The following ZNF177 variants were observed in gnomAD, a reference collection of about 807,000 sequenced individuals.
ZNF177 encodes the protein zinc finger protein 177.
A neutral mutation model predicts 19.4 loss-of-function variants in ZNF177; 17 were observed. The ratio of observed to expected loss-of-function variants is 0.87; its 90% confidence interval spans 0.60 to 1.31. ZNF177 has a LOEUF of 1.31. Among genes scored for constraint, ZNF177 ranks in the 40% most tolerant of loss-of-function variants. ZNF177 has a pLI of 0.00. For synonymous variants in ZNF177, 220 were observed against 188.7 expected, an observed-to-expected ratio of 1.17 and a Z score of -1.36; for missense variants, 633 against 561.8, an observed-to-expected ratio of 1.13 and a Z score of -1.28.
chr19:9,368,432 C>T (rs1372471270), intron 2 of ZNF177, among the ~76,000 whole-genome samples: 3 of 152,096 alleles, frequency 2.0e-5, no homozygotes, highest in African/African-American at 7.2e-5. Context: ...TCTTGTTAAT[C>T]TCTGCAACAT....
chr19:9,378,566 C>T (rs571734143), intron 2 of ZNF177: 1 of 720,348 alleles, frequency 1.4e-6, no homozygotes, highest in Admixed American at 3.0e-5. Flanking sequence ...GTATGAATTC[C>T]ATACTGTAGT....
intron 2 of ZNF177, chr19:9,378,654 CCT>C: frequency 1.8e-6 from 1 of 559,522 alleles, no homozygotes; most frequent in Non-Finnish European, 3.1e-6. Flanking sequence ...TACAGTATGC[CCT>C]GTCTATACTG....
intron 4 of ZNF177, among the ~76,000 whole-genome samples, 170 bp from the exon 7 acceptor site, chr19:9,379,887 C>CATTTCTACT (rs2068167592): frequency 6.6e-6 from 1 of 151,988 alleles, no homozygotes; most frequent in African/African-American, 2.4e-5. Flanking sequence ...AAATACCTCC[C>CATTTCTACT]ATTTCTACTG....
intron 1 of ZNF177, among the ~76,000 whole-genome samples, chr19:9,377,117 T>C (rs1235950779): frequency 1.3e-5 from 2 of 152,160 alleles, no homozygotes; most frequent in African/African-American, 2.4e-5. Context: ...GTGACAGTGC[T>C]CTCATAACAT....
upstream of ZNF177, among the ~76,000 whole-genome samples, chr19:9,373,248 C>T (rs75236582): frequency 1.6e-4 from 25 of 152,206 alleles, no homozygotes; most frequent in East Asian, 4.6e-3. Flanking sequence ...TGTCTATGTC[C>T]GCCTTATTTT....
exon 6 of ZNF177, chr19:9,382,148 C>T (rs780025445): frequency 1.8e-5 from 7 of 398,168 alleles, no homozygotes; most frequent in Non-Finnish European, 2.7e-5. Context: ...ATATCCATTC[C>T]TCCCTTCTTT....
exon 6 of ZNF177, chr19:9,380,968 T>C: frequency 6.5e-7 from 1 of 1,542,330 alleles, no homozygotes; most frequent in Admixed American, 1.9e-5. Flanking sequence ...TGATATGTCC[T>C]TCAGCCTACA....
At chr19:9,368,649 C>A (rs925849274) in intron 2 of ZNF177, among the ~76,000 whole-genome samples, 1 of 151,914 alleles carries the variant, frequency 6.6e-6, no homozygotes, top group Non-Finnish European at 1.5e-5. Context: ...TATTTTTTTC[C>A]TAAGGACCAG....
At chr19:9,376,597 A>G (rs2068112265) in intron 1 of ZNF177, among the ~76,000 whole-genome samples, 174 bp downstream of exon 3, 1 of 152,124 alleles carries the variant, frequency 6.6e-6, no homozygotes, top group African/African-American at 2.4e-5. Flanking sequence ...GCTACTATGA[A>G]GCTTAAAACA....
chr19:9,376,989 A>C (rs550440056), intron 1 of ZNF177, among the ~76,000 whole-genome samples: 1 of 152,250 alleles, frequency 6.6e-6, no homozygotes, highest in East Asian at 1.9e-4. Flanking sequence ...TGTTTGTCCA[A>C]GGAAGTTTTT....
At chr19:9,372,740 T>C (rs994899530), upstream of ZNF177, among the ~76,000 whole-genome samples, 1 of 151,694 alleles carries the variant, frequency 6.6e-6, no homozygotes, top group Non-Finnish European at 1.5e-5. Context: ...GAGAAAGGGT[T>C]TCACCATGTT....
intron 2 of ZNF177, among the ~76,000 whole-genome samples, chr19:9,367,900 C>T (rs2068001039): frequency 6.6e-6 from 1 of 152,120 alleles, no homozygotes; most frequent in Non-Finnish European, 1.5e-5. Flanking sequence ...CCAGCTCTTG[C>T]CTATAGAGTG....
chr19:9,363,667 A>T (rs572893856), intron 1 of ZNF177, among the ~76,000 whole-genome samples: 1 of 152,286 alleles, frequency 6.6e-6, no homozygotes, highest in Admixed American at 6.5e-5. Flanking sequence ...ATCCCCCTCT[A>T]TGGGACTTGT....
At chr19:9,377,923 T>C (rs938751953) in intron 1 of ZNF177, among the ~76,000 whole-genome samples, 3 of 152,196 alleles carry the variant, frequency 2.0e-5, no homozygotes, top group Non-Finnish European at 4.4e-5. Context: ...TTTCTTAGTC[T>C]ATACTAGACT....
chr19:9,367,729 A>C (rs1015456182), intron 2 of ZNF177, among the ~76,000 whole-genome samples: 1 of 152,212 alleles, frequency 6.6e-6, no homozygotes, highest in Non-Finnish European at 1.5e-5. Context: ...TTGATAAGTT[A>C]AACTGTTTTG....
At chr19:9,379,134 C>A (rs2068152671) in intron 3 of ZNF177, 46 bp downstream of exon 5, 1 of 1,552,692 alleles carries the variant, frequency 6.4e-7, no homozygotes, top group South Asian at 1.2e-5. Flanking sequence ...GCAAATAGTT[C>A]TTAAGCACAT....
chr19:9,374,335 C>G (rs1414735942), upstream of ZNF177, among the ~76,000 whole-genome samples: 1 of 152,146 alleles, frequency 6.6e-6, no homozygotes, highest in Non-Finnish European at 1.5e-5. Context: ...TGTGATGCCT[C>G]CAGTATTGTT....
intron 2 of ZNF177, among the ~76,000 whole-genome samples, chr19:9,370,177 A>G (rs78200897): frequency 0.021 from 3,199 of 152,112 alleles, 106 homozygotes; most frequent in African/African-American, 0.073. Flanking sequence ...ATTCTCCACA[A>G]AAGTAGAATA....
intron 2 of ZNF177, among the ~76,000 whole-genome samples, chr19:9,370,392 T>C (rs1354994429): frequency 6.6e-6 from 1 of 151,848 alleles, no homozygotes; most frequent in Admixed American, 6.6e-5. Context: ...ATAAGTGTTA[T>C]GTAAGTGGTT....
Sources: gnomAD v4.1 joint callset for allele counts (sites outside exome capture counted in the v4.1 genomes callset) on GRCh38, gnomAD v4.1.1 for gene constraint, MANE v1.5 for transcripts, NCBI Gene and HGNC (gene_info 2026-07-23, HGNC 2026-07-21) for gene names.